The following GLIS3 variants were observed in gnomAD, a reference collection of about 807,000 sequenced individuals.
GLIS3 encodes zinc finger protein GLIS3.
A neutral mutation model predicts 78.6 loss-of-function variants in GLIS3; 53 were observed. The ratio of observed to expected loss-of-function variants is 0.67; its 90% CI spans 0.54 to 0.85. The LOEUF is 0.85. GLIS3 is among the 40% of genes least tolerant of loss of function. GLIS3 has a pLI of 0.00. For synonymous variants in GLIS3, 684 were observed against 509.9 expected (o/e 1.34, Z -4.60); for missense variants, 1,703 against 1,231.1 (o/e 1.38, Z -5.74).
At chr9:3,950,205 C>G (rs1816583938) in intron 4 of GLIS3, among the ~76,000 whole-genome samples, 1 of 152,224 alleles carries the variant, frequency 6.6e-6, no homozygotes, top group South Asian at 2.1e-4. Flanking sequence ...AGCTAAGCCA[C>G]TATGGCCTCC....
chr9:4,191,883 A>T (rs991495920), intron 2 of GLIS3, among the ~76,000 whole-genome samples: 1 of 152,100 alleles, frequency 6.6e-6, no homozygotes, highest in Non-Finnish European at 1.5e-5. Context: ...TTAATATTAA[A>T]TATTAATTAA....
At chr9:3,844,150 G>C (rs1818897523) in intron 9 of GLIS3, among the ~76,000 whole-genome samples, 2 of 152,304 alleles carry the variant, frequency 1.3e-5, no homozygotes, top group South Asian at 4.1e-4. Context: ...GATCAAGCCA[G>C]TTCTAGCATT....
At chr9:4,055,351 T>A (rs566620126) in intron 4 of GLIS3, among the ~76,000 whole-genome samples, 2 of 152,302 alleles carry the variant, frequency 1.3e-5, no homozygotes, top group Admixed American at 1.3e-4. Context: ...CCTCCGTCCA[T>A]CCCTGTTCCT....
chr9:3,978,108 C>T (rs964211589), intron 4 of GLIS3, among the ~76,000 whole-genome samples: 1 of 152,132 alleles, frequency 6.6e-6, no homozygotes, highest in African/African-American at 2.4e-5. Context: ...GGGTGAAGCC[C>T]GCTGTAGAAG....
chr9:4,360,309 G>A, the GLIS3 span, among the ~76,000 whole-genome samples: 22 of 152,270 alleles, frequency 1.4e-4, no homozygotes, highest in Admixed American at 6.5e-4. Flanking sequence ...GACTGACTAT[G>A]TTTGGTCATT....
chr9:4,225,249 C>T (rs960688805), intron 2 of GLIS3, among the ~76,000 whole-genome samples: 5 of 152,082 alleles, frequency 3.3e-5, no homozygotes, highest in African/African-American at 4.8e-5. Context: ...TCATATACTT[C>T]GCTCTTTAAA....
intron 2 of GLIS3, among the ~76,000 whole-genome samples, chr9:4,318,699 G>A (rs183479609): frequency 7.9e-5 from 12 of 152,304 alleles, no homozygotes; most frequent in African/African-American, 2.9e-4. Context: ...AACAAACATA[G>A]AAGAAATGTT....
chr9:3,949,465 C>A (rs2130836932), intron 4 of GLIS3, among the ~76,000 whole-genome samples: 1 of 152,296 alleles, frequency 6.6e-6, no homozygotes, highest in Non-Finnish European at 1.5e-5. Context: ...CATGACAATT[C>A]TAGAAGAACC....
chr9:4,379,489 TG>T, the GLIS3 span, among the ~76,000 whole-genome samples: 4 of 152,252 alleles, frequency 2.6e-5, no homozygotes, highest in Admixed American at 1.3e-4. Context: ...CTTCTTTTAG[TG>T]CAAACTATCT....
intron 6 of GLIS3, among the ~76,000 whole-genome samples, chr9:3,928,612 A>G (rs146063172): frequency 1.2e-4 from 19 of 152,344 alleles, no homozygotes; most frequent in Admixed American, 8.5e-4. Context: ...CCAGTTCTCT[A>G]TGAAGAATTA....
chr9:4,092,736 C>T (rs806037), intron 4 of GLIS3, among the ~76,000 whole-genome samples: 5 of 151,912 alleles, frequency 3.3e-5, no homozygotes, highest in Non-Finnish European at 7.4e-5. Flanking sequence ...TACCTCTTGA[C>T]GGAGCAACCT....
Position 4,286,151 on chromosome 9 carries a change from G to A in GLIS3, c.275C>T (p.Thr92Ile), listed in dbSNP as rs375931960. ...PALSPRRQMLTNGKPRFQVTQ... is the reference protein window; with the variant it reads ...PALSPRRQMLINGKPRFQVTQ... ...GACCTGGAATCGCGGCTTCCCATTG[G>A]TGAGCATTTGTCTCCTGGGGCTTAA... The change falls in exon 2 of 11, where the codon ACC becomes ATC. Residue 92 changes from threonine to isoleucine, a missense_variant. Physicochemically the swap from Thr to Ile is moderately conservative, Grantham distance 89. Transcript: ENST00000381971. 37 of 1,614,012 alleles carry A rather than the reference G, an allele frequency of 2.3e-5. No individual in the cohort carries two copies. The African/African-American group carries it at 4.5e-4, about 20-fold the overall frequency.
chr9:3,839,399 C>T (rs1818577425), intron 9 of GLIS3, among the ~76,000 whole-genome samples: 2 of 152,118 alleles, frequency 1.3e-5, no homozygotes, highest in Admixed American at 1.3e-4. Flanking sequence ...GGGTTCCTTG[C>T]TTTGGCATTT....
At chr9:4,459,628 G>A in the GLIS3 span, among the ~76,000 whole-genome samples, 1 of 152,126 alleles carries the variant, frequency 6.6e-6, no homozygotes, top group African/African-American at 2.4e-5. Flanking sequence ...AGCTAAGCAT[G>A]GTGGTACACG....
At chr9:4,309,103 C>A (rs531904586) in intron 3 of GLIS3, 7 of 152,170 alleles carry the variant, frequency 4.6e-5, no homozygotes, top group African/African-American at 1.4e-4. Flanking sequence ...TAAGATAAAA[C>A]AGAATCAGCC....
chr9:4,439,415 C>A, the GLIS3 span, among the ~76,000 whole-genome samples: 3 of 152,292 alleles, frequency 2.0e-5, no homozygotes, highest in Non-Finnish European at 4.4e-5. Flanking sequence ...CATTTCTCTT[C>A]TTCTCCTCCT....
At chr9:4,275,403 C>T (rs1449332997) in intron 2 of GLIS3, among the ~76,000 whole-genome samples, 1 of 152,146 alleles carries the variant, frequency 6.6e-6, no homozygotes, top group Non-Finnish European at 1.5e-5. Context: ...TTTCTCTGAA[C>T]TCCTATAGCA....
chr9:4,404,009 C>A, the GLIS3 span, among the ~76,000 whole-genome samples: 24 of 152,018 alleles, frequency 1.6e-4, no homozygotes, highest in African/African-American at 5.5e-4. Flanking sequence ...CACACATAGG[C>A]TGAAAATAAA....
At chr9:4,114,752 T>C (rs947038816) in intron 4 of GLIS3, among the ~76,000 whole-genome samples, 1 of 152,042 alleles carries the variant, frequency 6.6e-6, no homozygotes, top group African/African-American at 2.4e-5. Context: ...GGAATGTCTC[T>C]GCAATCGAGG....
Sources: allele counts gnomAD v4.1 joint callset (sites outside exome capture counted in the v4.1 genomes callset), GRCh38; gene constraint gnomAD v4.1.1; transcripts MANE v1.5; gene names NCBI Gene and HGNC (gene_info 2026-07-23, HGNC 2026-07-21).